JAK2: variants seen among roughly 807,000 people sequenced by gnomAD.
JAK2 encodes Janus kinase 2.
JAK2 carries 86 observed loss-of-function variants against 139.3 expected under a neutral mutation model. That is an observed-to-expected ratio of 0.62 (90% confidence interval 0.52 to 0.74). The LOEUF is 0.74. Among genes scored for constraint, JAK2 ranks in the 30% least tolerant of loss-of-function variants. The probability of loss-of-function intolerance (pLI) is 0.00; values close to 1 mark genes in which losing one functional copy is unlikely to be tolerated. For synonymous variants in JAK2, 490 were observed against 437.7 expected (o/e 1.12, Z -1.49); for missense variants, 1,421 against 1,360.3 (o/e 1.04, Z -0.70).
intron 2 of JAK2, among the ~76,000 whole-genome samples, chr9:4,990,130 A>T (rs912094893): frequency 7.9e-5 from 12 of 152,204 alleles, no homozygotes; most frequent in African/African-American, 2.7e-4. Flanking sequence ...GGATTGGATA[A>T]GAAGGGAGAA....
chr9:5,088,631 G>T (rs1238184608), intron 19 of JAK2, among the ~76,000 whole-genome samples: 1 of 152,066 alleles, frequency 6.6e-6, no homozygotes, highest in Non-Finnish European at 1.5e-5. Flanking sequence ...CCATAGACTG[G>T]GTAGCTTAAA....
upstream of JAK2, chr9:4,984,831 GGCCGGGCCCAGCGCTGGCGCCTAGCTCCA>G (rs1185790621): frequency 4.6e-5 from 7 of 152,380 alleles, no homozygotes; most frequent in Non-Finnish European, 8.8e-5. Context: ...ATCTAGTGAG[GGCCGGGCCCAGCGCTGGCGCCTAGCTCCA>G]GCCGGGCACC....
intron 2 of JAK2, 52 bp from the exon 3 acceptor site, chr9:5,021,911 G>A (rs566658046): frequency 9.4e-7 from 1 of 1,062,058 alleles, no homozygotes; most frequent in Non-Finnish European, 1.4e-6. Context: ...AGGATTACAG[G>A]TGTGAGACAC....
At chr9:5,066,888 A>G in intron 10 of JAK2, 99 bp downstream of exon 10, 1 of 469,030 alleles carries the variant, frequency 2.1e-6, no homozygotes, top group Non-Finnish European at 3.6e-6. Flanking sequence ...ACTGAGAATT[A>G]TAGCTTTGGA....
chr9:5,006,168 A>G (rs922624459), intron 2 of JAK2, among the ~76,000 whole-genome samples: 2 of 151,884 alleles, frequency 1.3e-5, no homozygotes, highest in Non-Finnish European at 2.9e-5. Flanking sequence ...CTTTTATTTC[A>G]TTGAGCAGTG....
rs1564029979 is a variant in JAK2, at chr9:5,126,779, C to T, written c.3387C>T (p.Asn1129=). 6.2e-7 allele frequency: 1 copy of T among 1,602,430 alleles called. No homozygotes were observed. The highest frequency in any genetic ancestry group is 8.5e-7 in the Non-Finnish European group (1 of 1,171,740). The change falls in exon 25 of 25, where the codon AAC becomes AAT. Residue 1129 remains asparagine (N), a synonymous_variant. Coordinates refer to ENST00000381652, the MANE Select transcript of JAK2 (RefSeq NM_004972.4). ...TTCGAGTGGATCAAATAAGGGATAACATGGCTGGATGAAAGAAATGACCTT... is the reference window on the plus strand; with the variant it reads ...TTCGAGTGGATCAAATAAGGGATAATATGGCTGGATGAAAGAAATGACCTT... ...LALRVDQIRD[N]MAG
At chr9:5,069,730 T>G (rs1181920139) in intron 11 of JAK2, among the ~76,000 whole-genome samples, 195 bp from the exon 12 acceptor site, 4 of 152,160 alleles carry the variant, frequency 2.6e-5, no homozygotes, top group African/African-American at 9.6e-5. Flanking sequence ...TAATTTTGAA[T>G]GTATGAAGTA....
At chr9:5,095,194 C>T (rs1247466108) in intron 22 of JAK2, among the ~76,000 whole-genome samples, 3 of 151,500 alleles carry the variant, frequency 2.0e-5, no homozygotes, top group African/African-American at 7.3e-5. Flanking sequence ...GGCCCATTCT[C>T]CTGAAAATGT....
intron 22 of JAK2, chr9:5,098,933 T>C (rs1367192250): frequency 1.3e-5 from 2 of 152,076 alleles, no homozygotes; most frequent in Non-Finnish European, 2.9e-5. Flanking sequence ...TGACGTTGTG[T>C]TCCACCCACT....
At chr9:5,040,736 G>A (rs1237633539) in intron 4 of JAK2, among the ~76,000 whole-genome samples, 1 of 152,278 alleles carries the variant, frequency 6.6e-6, no homozygotes, top group South Asian at 2.1e-4. Context: ...GCCCCTGAGC[G>A]GGCGTCCGGG....
At chr9:5,114,271 C>A in intron 22 of JAK2, 1 of 544,710 alleles carries the variant, frequency 1.8e-6, no homozygotes, top group Non-Finnish European at 3.6e-6. Context: ...GTGGACCTGG[C>A]ACCCAGCAAG....
At chr9:5,060,639 C>T (rs1054175014) in intron 8 of JAK2, among the ~76,000 whole-genome samples, 1 of 152,094 alleles carries the variant, frequency 6.6e-6, no homozygotes. Context: ...CTATTTCTAC[C>T]ACATCCTAGT....
chr9:5,107,067 C>G (rs1051879657), intron 22 of JAK2, among the ~76,000 whole-genome samples: 2 of 152,110 alleles, frequency 1.3e-5, no homozygotes, highest in African/African-American at 2.4e-5. Flanking sequence ...CCAACCAGCA[C>G]TTTGGCTTTG....
chr9:5,086,029 A>G (rs962925412), intron 19 of JAK2: 49 of 783,408 alleles, frequency 6.3e-5, no homozygotes, highest in Middle Eastern at 3.7e-4. Flanking sequence ...ACATTTGGAC[A>G]GGCAGGTGTT....
chr9:5,026,800 T>A (rs1822812813), intron 3 of JAK2, among the ~76,000 whole-genome samples: 1 of 152,256 alleles, frequency 6.6e-6, no homozygotes, highest in Non-Finnish European at 1.5e-5. Flanking sequence ...GGTATTCTCT[T>A]GGTTTTTTAG....
intron 15 of JAK2, 74 bp from the exon 16 acceptor site, chr9:5,078,232 G>A: frequency 8.3e-7 from 1 of 1,207,448 alleles, no homozygotes; most frequent in South Asian, 1.6e-5. Context: ...AATCTGTTTT[G>A]GGGGCTTGAA....
At position 5,077,568 on chromosome 9, in the gene JAK2, C is replaced by G. The variant is rs746218395; in HGVS notation, c.1980C>G (p.Ala660=). The change falls in exon 15 of 25, where the codon GCC becomes GCG. Residue 660 remains alanine, a synonymous_variant. Transcript: ENST00000381652. ...AAGTTGCTAAACAGTTGGCATGGGC[C>G]ATGCATTTTCTAGTAAGTAGTACAA... is the stretch of plus-strand genomic sequence containing the variant. ...KLEVAKQLAW[A]MHFLEENTLI... The G allele has an allele frequency of 6.7e-7, 1 of 1,482,236 alleles. No homozygotes were observed. Among genetic ancestry groups the G allele is most frequent in the Non-Finnish European group, 8.9e-7 (1 of 1,117,978 alleles). 91.8% of individuals were successfully genotyped at this position (1,482,236 alleles called of 1,614,324 possible).
chr9:5,007,276 G>A (rs962362191), intron 2 of JAK2, among the ~76,000 whole-genome samples: 3 of 151,782 alleles, frequency 2.0e-5, no homozygotes, highest in Non-Finnish European at 4.4e-5. Context: ...CTTTTACTGC[G>A]TTTTACTCAT....
At chr9:5,057,588 T>TG (rs1480209591) in intron 8 of JAK2, among the ~76,000 whole-genome samples, 1 of 148,196 alleles carries the variant, frequency 6.7e-6, no homozygotes, top group African/African-American at 2.5e-5. Flanking sequence ...TTCTTTTTTT[T>TG]TTTTTTTTTT....
Sources: gnomAD v4.1 joint callset for allele counts (sites outside exome capture counted in the v4.1 genomes callset) on GRCh38, gnomAD v4.1.1 for gene constraint, MANE v1.5 for transcripts, NCBI Gene and HGNC (gene_info 2026-07-23, HGNC 2026-07-21) for gene names.